Variants in VARS1 observed in about 807,000 individuals in gnomAD.
VARS1 encodes valine--tRNA ligase.
VARS1 carries 92 observed loss-of-function variants against 161.0 expected under a neutral mutation model. The ratio of observed to expected loss-of-function variants is 0.57; its 90% CI spans 0.48 to 0.68. VARS1 has a LOEUF of 0.68. Among genes scored for constraint, VARS1 ranks in the 30% least tolerant of loss-of-function variants. VARS1 has a pLI of 0.00. For synonymous variants in VARS1, 595 were observed against 682.5 expected (o/e 0.87, Z 2.00); for missense variants, 1,338 against 1,695.9 (o/e 0.79, Z 3.71).
At position 31,782,781 on chromosome 6, in the gene VARS1, C is replaced by T. The variant is rs1398753349; in HGVS notation, c.1827G>A (p.Leu609=). The change falls in exon 15 of 30, where the codon CTG becomes CTA. Residue 609 remains leucine (L), a synonymous_variant. Coordinates refer to ENST00000375663, the MANE Select transcript of VARS1 (RefSeq NM_006295.3). This position sits in a 1 kb window ranked among gnomAD's most constrained non-coding sequence, Gnocchi z 8.3. ...NDYEVGQRHG[L]EAISIMDSRG... ...GGGAGTCCATGATGCTGATGGCCTCCAGCCCGTGCCGCTGCCCAACTTCAT... is the reference window on the plus strand; with the variant it reads ...GGGAGTCCATGATGCTGATGGCCTCTAGCCCGTGCCGCTGCCCAACTTCAT... The T allele has an allele frequency of 4.3e-6, 7 of 1,612,930 alleles. No individual in the cohort carries two copies. In the South Asian group the frequency reaches 7.7e-5, roughly 18 times the overall value.
At position 31,782,443 on chromosome 6, in the gene VARS1, G is replaced by A; in HGVS notation, c.1992C>T (p.Asn664=). 1 of 1,612,052 alleles carries A rather than the reference G, an allele frequency of 6.2e-7. No individual in the cohort carries two copies. The highest frequency in any genetic ancestry group is 8.5e-7 in the Non-Finnish European group (1 of 1,179,502). ...EDNPMVVPLC[N]RSKDVVEPLL... ...GAGGCTCTACCACGTCCTTCGACCG[G>A]CTGGGGGTACACGTAGGTGAGAAGG... Residue 664 remains asparagine, a splice_region_variant and synonymous_variant, in exon 17 of 30, where the codon AAC becomes AAT. Coordinates refer to ENST00000375663, the MANE Select transcript of VARS1 (RefSeq NM_006295.3). This position sits in a 1 kb window ranked among gnomAD's most constrained non-coding sequence, Gnocchi z 8.3.
At position 31,785,075 on chromosome 6, in the gene VARS1, GA is replaced by G. The variant is rs1043797748; in HGVS notation, c.1347+170del. Among the ~76,000 whole-genome samples the G allele has an allele frequency of 7.2e-5, 11 of 152,176 alleles. No homozygotes were observed. The highest frequency in any genetic ancestry group is 2.2e-4 in the African/African-American group (9 of 41,434). Reference sequence around the variant, plus strand: ...AGGGAACATGAAGGGCCATGATATGGAAAGGGCCATGGCGAGGGGTGGGAAG... The same window carrying G: ...AGGGAACATGAAGGGCCATGATATGGAAGGGCCATGGCGAGGGGTGGGAAG... On this transcript the variant is annotated intron_variant, in intron 10 of 29. Transcript: ENST00000375663. The surrounding 1 kb of genome is among the most constrained non-coding windows in gnomAD (Gnocchi z 6.1).
At position 31,791,653 on chromosome 6, in the gene VARS1, C is replaced by CCAGGTG; in HGVS notation, c.1051_1056dup (p.His351_Leu352dup). On this transcript the variant is annotated inframe_insertion, in exon 8 of 30. Coordinates refer to ENST00000375663, the MANE Select transcript of VARS1 (RefSeq NM_006295.3). The surrounding 1 kb of genome is among the most constrained non-coding windows in gnomAD (Gnocchi z 5.0). ...TGGATGGCGTTGGTGAGTGCATGGCCCAGGTGCAGGGAGCCTGTCACATTG... is the reference window on the plus strand; with the variant it reads ...TGGATGGCGTTGGTGAGTGCATGGCCCAGGTGCAGGTGCAGGGAGCCTGTCACATTG... 1.2e-6 allele frequency: 2 copies of CCAGGTG among 1,612,820 alleles called. No individual in the cohort carries two copies. Among genetic ancestry groups the CCAGGTG allele is most frequent in the Non-Finnish European group, 1.7e-6 (2 of 1,179,944 alleles).
Position 31,795,059 on chromosome 6 carries a change from G to C in VARS1, c.159C>G (p.Pro53=). ...QPPPTSRTPF[P]PPRLPALEQG... Reference sequence around the variant, plus strand: ...GCTCCAGGGCCGGCAGGCGGGGTGGGGGAAAGGGAGTCCTGCTAGTCGGGG... The same window carrying C: ...GCTCCAGGGCCGGCAGGCGGGGTGGCGGAAAGGGAGTCCTGCTAGTCGGGG... The change falls in exon 2 of 30, where the codon CCC becomes CCG. Residue 53 remains proline (P), a synonymous_variant. Coordinates refer to ENST00000375663, the MANE Select transcript of VARS1 (RefSeq NM_006295.3). This position sits in a 1 kb window ranked among gnomAD's most constrained non-coding sequence, Gnocchi z 6.9. The C allele has an allele frequency of 6.5e-7, 1 of 1,537,886 alleles. No individual in the cohort carries two copies. The highest frequency in any genetic ancestry group is 1.8e-4 in the Middle Eastern group (1 of 5,682).
At chr6:31,792,017 C>G (rs972254297) in intron 6 of VARS1, 46 bp from the exon 7 acceptor site, 3 of 1,519,798 alleles carry the variant, frequency 2.0e-6, no homozygotes, top group Non-Finnish European at 2.7e-6. Flanking sequence ...TGGGAGCACT[C>G]TGGGAAGGAG....
chr6:31,782,352 G>A lies in VARS1; in HGVS notation c.2083C>T (p.Arg695Trp), dbSNP rs1382707525. 7 of 1,612,800 alleles carry A rather than the reference G, an allele frequency of 4.3e-6. No individual in the cohort carries two copies. In the African/African-American group the frequency reaches 5.3e-5, roughly 12 times the overall value. ...MAQAASAAVT[R>W]GDLRILPEAH... is the part of the protein sequence containing the mutation. ...TCAGGCAGGATGCGGAGGTCACCCC[G>A]AGTCACAGCGGCGCTGGCAGCCTGG... is the stretch of plus-strand genomic sequence containing the variant. The change falls in exon 17 of 30, where the codon CGG becomes TGG. Residue 695 changes from arginine (R) to tryptophan (W), a missense_variant. Arg to Trp is a moderately radical substitution (Grantham distance 101). Transcript: ENST00000375663. This position sits in a 1 kb window ranked among gnomAD's most constrained non-coding sequence, Gnocchi z 8.3.
chr6:31,781,062 T>C lies in VARS1; in HGVS notation c.2606A>G (p.Asn869Ser). ...HGRKMSKSLG[N>S]VIDPLDVIYG... The stretch of plus-strand genomic sequence containing the variant: ...GATGACGTCCAGGGGATCGATGACA[T>C]TGCCTAGAGACTTGCTCATCTTCCG... Residue 869 changes from asparagine (N) to serine (S), a missense_variant, in exon 22 of 30, where the codon AAT becomes AGT. Coordinates refer to ENST00000375663, the MANE Select transcript of VARS1 (RefSeq NM_006295.3). This position sits in a 1 kb window ranked among gnomAD's most constrained non-coding sequence, Gnocchi z 6.8. 1.2e-6 allele frequency: 2 copies of C among 1,613,780 alleles called. No homozygotes were observed. Among genetic ancestry groups the C allele is most frequent in the South Asian group, 1.1e-5 (1 of 91,084 alleles).
chr6:31,784,077 TG>T lies in VARS1; in HGVS notation c.1671+136del. The T allele has an allele frequency of 1.1e-6, 1 of 944,424 alleles. No individual in the cohort carries two copies. The highest frequency in any genetic ancestry group is 1.5e-5 in the South Asian group (1 of 65,476). 58.5% of individuals were successfully genotyped at this position (944,424 alleles called of 1,614,324 possible). A position where few individuals can be genotyped will look rare whatever the true frequency, so the allele number is the denominator to read the frequency against. The stretch of plus-strand genomic sequence containing the variant: ...TCCCCAATAGCTCTACCCTCAGAGC[TG>T]GGAAAGAAGCTGAAGACCAGTTTCT... On this transcript the variant is annotated intron_variant, in intron 13 of 29. Transcript: ENST00000375663. This position sits in a 1 kb window ranked among gnomAD's most constrained non-coding sequence, Gnocchi z 6.1.
intron 13 of VARS1, among the ~76,000 whole-genome samples, chr6:31,783,929 G>A (rs1813321923): frequency 6.6e-6 from 1 of 152,126 alleles, no homozygotes; most frequent in South Asian, 2.1e-4. Context: ...CCAAAGCGCT[G>A]GGATTACAGG....
At chr6:31,792,063 T>C in intron 6 of VARS1, 92 bp from the exon 7 acceptor site, 5 of 1,462,948 alleles carry the variant, frequency 3.4e-6, no homozygotes, top group Non-Finnish European at 4.6e-6. Flanking sequence ...TCTCCGTCAC[T>C]CACATCATAG....
In VARS1 at chr6:31,794,972, T is replaced by C; in HGVS notation, c.246A>G (p.Ala82=). 6.2e-7 allele frequency: 1 copy of C among 1,611,946 alleles called. No individual in the cohort carries two copies. The highest frequency in any genetic ancestry group is 1.1e-5 in the South Asian group (1 of 91,052). Residue 82 remains alanine (A), a synonymous_variant, in exon 2 of 30, where the codon GCA becomes GCG. Coordinates refer to ENST00000375663, the MANE Select transcript of VARS1 (RefSeq NM_006295.3). ...GGCTGCCCCCTGGGCCCCCCAGGCC[T>C]GCTGGCCACAGCAGCTGGGCCACAG... The part of the protein sequence containing the change: ...ATAVAQLLWP[A]GLGGPGGSRA...
chr6:31,782,649 G>C lies in VARS1; in HGVS notation c.1888-16C>G. On this transcript the variant is annotated splice_polypyrimidine_tract_variant and intron_variant, in intron 15 of 29. Coordinates refer to ENST00000375663, the MANE Select transcript of VARS1 (RefSeq NM_006295.3). The surrounding 1 kb of genome is among the most constrained non-coding windows in gnomAD (Gnocchi z 8.3). Reference sequence around the variant, plus strand: ...TGGGCAGGCCCTGGGTAGGAATGAGGCCTCATCATGGCGATGCCCAGCCAT... The same window carrying C: ...TGGGCAGGCCCTGGGTAGGAATGAGCCCTCATCATGGCGATGCCCAGCCAT... 6 of 1,613,074 alleles carry C rather than the reference G, an allele frequency of 3.7e-6. No individual in the cohort carries two copies. The highest frequency in any genetic ancestry group is 5.1e-6 in the Non-Finnish European group (6 of 1,180,032).
chr6:31,783,350 C>CA (rs1335926510), intron 13 of VARS1, 164 bp from the exon 14 acceptor site: 2,771 of 566,698 alleles, frequency 4.9e-3, no homozygotes, highest in South Asian at 6.5e-3. Context: ...ACTAAAAATA[C>CA]AAAAAAAAAA....
At chr6:31,789,738 T>C (rs1813741562) in intron 8 of VARS1, among the ~76,000 whole-genome samples, 1 of 152,118 alleles carries the variant, frequency 6.6e-6, no homozygotes, top group Admixed American at 6.6e-5. Context: ...ACACTAACAC[T>C]GGCTGGGAGC....
rs1813040116 is a variant in VARS1 at position 31,780,145 on chromosome 6, G to A, written c.2934C>T (p.Gly978=). The A allele has an allele frequency of 6.2e-7, 1 of 1,613,554 alleles. No individual in the cohort carries two copies. The highest frequency in any genetic ancestry group is 1.1e-5 in the South Asian group (1 of 91,080). The change falls in exon 26 of 30, where the codon GGC becomes GGT. Residue 978 remains glycine, a synonymous_variant. Coordinates refer to ENST00000375663, the MANE Select transcript of VARS1 (RefSeq NM_006295.3). The surrounding 1 kb of genome is among the most constrained non-coding windows in gnomAD (Gnocchi z 5.1). ...TCCAGCGGTCCACCAGGCTCTCATG[G>A]CCTCCGGGCTTGGGGAGAGAGGGTG... ...FVPSPTSQPG[G]HESLVDRWIR...
In VARS1 at chr6:31,786,271, C is replaced by CA. The variant is rs979713193; in HGVS notation, c.1101-539dup. 3.5e-4 allele frequency among the ~76,000 whole-genome samples: 48 copies of CA among 136,194 alleles called. No homozygotes were observed. The East Asian group carries it at 3.6e-3, about 10-fold the overall frequency. The allele number at this position is 136,194 out of a possible 152,430, so 89.3% of individuals were successfully genotyped here. ...TGAGACTCCGTCTCCAAAAAACAAA[C>CA]AAAAAAAAAAAGAAAGAAGCAGGGG... On this transcript the variant is annotated intron_variant, in intron 8 of 29. Transcript: ENST00000375663.
At position 31,780,729 on chromosome 6, in the gene VARS1, C is replaced by T; in HGVS notation, c.2773G>A (p.Gly925Arg). 1 of 1,614,176 alleles carries T rather than the reference C, an allele frequency of 6.2e-7. No homozygotes were observed. Among genetic ancestry groups the T allele is most frequent in the Non-Finnish European group, 8.5e-7 (1 of 1,180,024 alleles). The change falls in exon 24 of 30, where the codon GGA (glycine) becomes AGA (arginine). Residue 925 changes from glycine to arginine, a missense_variant. Gly to Arg is a moderately radical substitution (Grantham distance 125). Around this residue, in one of 3 missense-constraint regions of VARS1, gnomAD observed 433 missense variants for 586.2 expected, o/e 0.74. Transcript: ENST00000375663. This position sits in a 1 kb window ranked among gnomAD's most constrained non-coding sequence, Gnocchi z 5.1. Reference sequence around the variant, plus strand: ...CCCTGGGACATGTAGGCACATAATCCAAACCGGAGAGCATCGGTGCCACAT... The same window carrying T: ...CCCTGGGACATGTAGGCACATAATCTAAACCGGAGAGCATCGGTGCCACAT... Reference protein sequence around the residue: ...PECGTDALRFGLCAYMSQGRD... With the variant: ...PECGTDALRFRLCAYMSQGRD...
At chr6:31,790,207 G>T (rs1813780234) in intron 8 of VARS1, among the ~76,000 whole-genome samples, 1 of 152,018 alleles carries the variant, frequency 6.6e-6, no homozygotes, top group African/African-American at 2.4e-5. Context: ...TGGCCCACAG[G>T]CTGCAGGTTG....
rs768274856 is a variant in VARS1, at chr6:31,782,189, G to A, written c.2151-12C>T. On this transcript the variant is annotated splice_polypyrimidine_tract_variant and intron_variant, in intron 17 of 29. Coordinates refer to ENST00000375663, the MANE Select transcript of VARS1 (RefSeq NM_006295.3). This position sits in a 1 kb window ranked among gnomAD's most constrained non-coding sequence, Gnocchi z 8.3. The stretch of plus-strand genomic sequence containing the variant: ...AAATGCACCACTCCCTGCAAATGTC[G>A]GGGAGGAGAAATCAGGGAGGGCCTG... The A allele has an allele frequency of 8.7e-6, 14 of 1,612,902 alleles. No individual in the cohort carries two copies. Among genetic ancestry groups the A allele is most frequent in the East Asian group, 6.7e-5 (3 of 44,878 alleles).
Sources: gnomAD v4.1 joint callset for allele counts (sites outside exome capture counted in the v4.1 genomes callset) on GRCh38, gnomAD v4.1.1 for gene constraint, gnomAD v4.1.1 regional missense constraint, Gnocchi (gnomAD v3.1) non-coding constraint, MANE v1.5 for transcripts, NCBI Gene and HGNC (gene_info 2026-07-23, HGNC 2026-07-21) for gene names.